Variants in INPP5A observed in about 807,000 individuals in gnomAD.
INPP5A encodes the protein 43 kDa inositol polyphosphate 5-phophatase.
A neutral mutation model predicts 65.2 loss-of-function variants in INPP5A; 14 were observed. That is an observed-to-expected ratio of 0.21 (90% CI 0.14 to 0.34). The LOEUF (loss-of-function observed/expected upper bound fraction) is 0.34. Among genes scored for constraint, INPP5A ranks in the 10% least tolerant of loss-of-function variants. The pLI is 1.00. For synonymous variants in INPP5A, 207 were observed against 208.3 expected (o/e 0.99, Z 0.05); for missense variants, 431 against 545.6 (o/e 0.79, Z 2.09).
intron 4 of INPP5A, among the ~76,000 whole-genome samples, chr10:132,688,608 AGT>A (rs576709674): frequency 4.7e-5 from 7 of 149,844 alleles, no homozygotes; most frequent in South Asian, 2.1e-4. Flanking sequence ...CGTGTGTGCA[AGT>A]GTGTGAGTGT....
intron 4 of INPP5A, among the ~76,000 whole-genome samples, chr10:132,672,614 C>T (rs2072906381): frequency 6.6e-6 from 1 of 152,188 alleles, no homozygotes; most frequent in African/African-American, 2.4e-5. Context: ...AACTGTAAGT[C>T]CATATTAAAC....
chr10:132,607,807 C>T lies in INPP5A; in HGVS notation c.76-108C>T, dbSNP rs541528204. 6 of 1,123,938 alleles carry T rather than the reference C, an allele frequency of 5.3e-6. No individual in the cohort carries two copies. In the South Asian group the frequency reaches 6.3e-5, roughly 12 times the overall value. 69.6% of individuals were successfully genotyped at this position (1,123,938 alleles called of 1,614,324 possible). A position where few individuals can be genotyped will look rare whatever the true frequency, so the allele number is the denominator to read the frequency against. ...CTCCTCCATGCGGGGTGGGCCCGGG[C>T]TGCGCCTCTGCTCCTGCCCCACGTT... On this transcript the variant is annotated intron_variant, in intron 1 of 15. Transcript: ENST00000368594.
intron 6 of INPP5A, among the ~76,000 whole-genome samples, chr10:132,700,156 T>A (rs1845413979): frequency 6.6e-6 from 1 of 152,238 alleles, no homozygotes; most frequent in Admixed American, 6.5e-5. Context: ...TTGTGCAGTG[T>A]TGTGTCCACA....
rs1040337914 is a variant in INPP5A, at chr10:132,753,357, G to A, written c.903+3512G>A. Among the ~76,000 whole-genome samples the A allele has an allele frequency of 2.6e-5, 4 of 152,182 alleles. No homozygotes were observed. The highest frequency in any genetic ancestry group is 4.4e-5 in the Non-Finnish European group (3 of 68,034). On this transcript the variant is annotated intron_variant, in intron 11 of 15. Transcript: ENST00000368594. This position sits in a 1 kb window ranked among gnomAD's most constrained non-coding sequence, Gnocchi z 5.3. ...CCGTCCGCAGGATGGATGTGCCTGC[G>A]CCGGTCGCAGCCCCAAGTCCATTGC...
At chr10:132,722,755 C>G (rs769253092) in intron 8 of INPP5A, among the ~76,000 whole-genome samples, 5 of 152,222 alleles carry the variant, frequency 3.3e-5, no homozygotes, top group African/African-American at 4.8e-5. Flanking sequence ...CTTGTCAAAA[C>G]AGAGAGAGAC....
intron 4 of INPP5A, among the ~76,000 whole-genome samples, chr10:132,688,742 G>A (rs1474082773): frequency 6.6e-6 from 1 of 151,976 alleles, no homozygotes; most frequent in Non-Finnish European, 1.5e-5. Flanking sequence ...ATGTGTGCAA[G>A]TGTGTGAGCA....
chr10:132,674,645 C>A lies in INPP5A; in HGVS notation c.307-15747C>A, dbSNP rs774430905. ...TGTGCCTTCAGGACTTAATCAAGCC[C>A]AATCACATACATGCCACTTCCATTT... is the stretch of plus-strand genomic sequence containing the variant. On this transcript the variant is annotated intron_variant, in intron 4 of 15. Transcript: ENST00000368594. This position sits in a 1 kb window ranked among gnomAD's most constrained non-coding sequence, Gnocchi z 4.4. Among the ~76,000 whole-genome samples, 1 of 152,178 alleles carries A rather than the reference C, an allele frequency of 6.6e-6. No homozygotes were observed. The highest frequency in any genetic ancestry group is 6.5e-5 in the Admixed American group (1 of 15,274).
At chr10:132,713,387 T>G (rs962466133) in intron 8 of INPP5A, among the ~76,000 whole-genome samples, 1 of 152,048 alleles carries the variant, frequency 6.6e-6, no homozygotes, top group Non-Finnish European at 1.5e-5. Flanking sequence ...GCTGGCTCCG[T>G]CTGCTGCTGT....
At chr10:132,729,632 C>T (rs1037177825) in intron 9 of INPP5A, among the ~76,000 whole-genome samples, 1 of 152,224 alleles carries the variant, frequency 6.6e-6, no homozygotes, top group Non-Finnish European at 1.5e-5. Flanking sequence ...TCGTGTTAGG[C>T]TGTCGCTAAA....
chr10:132,691,997 TC>T (rs1319434226), intron 5 of INPP5A, among the ~76,000 whole-genome samples: 1 of 152,134 alleles, frequency 6.6e-6, no homozygotes, highest in Non-Finnish European at 1.5e-5. Flanking sequence ...CTGACGATAT[TC>T]TCAGTGCCCC....
intron 2 of INPP5A, among the ~76,000 whole-genome samples, chr10:132,642,310 C>T (rs773093423): frequency 3.0e-4 from 46 of 152,190 alleles, no homozygotes; most frequent in Non-Finnish European, 6.2e-4. Context: ...GGGCTGGGGA[C>T]GACATCTGAG....
chr10:132,598,982 CT>C (rs1695414943), intron 1 of INPP5A, among the ~76,000 whole-genome samples: 1 of 152,306 alleles, frequency 6.6e-6, no homozygotes, highest in South Asian at 2.1e-4. Flanking sequence ...TTACCTCCCC[CT>C]GGGTTCTTCC....
In INPP5A at chr10:132,623,774, T is replaced by C. The variant is rs115680124; in HGVS notation, c.117+15818T>C. Among the ~76,000 whole-genome samples the C allele has an allele frequency of 8.1e-3, 1,234 of 152,254 alleles. 14 individuals carry two copies. Among genetic ancestry groups the C allele is most frequent in the African/African-American group, 0.028 (1,183 of 41,532 alleles). On this transcript the variant is annotated intron_variant, in intron 2 of 15. Coordinates refer to ENST00000368594, the MANE Select transcript of INPP5A (RefSeq NM_005539.5). ...TTTGATGAAGGACTTGTATCTAGAA[T>C]ATACAAAGAACTCTGAAAAGCCAAT...
In INPP5A at chr10:132,644,278, A is replaced by T. The variant is rs1363410725; in HGVS notation, c.118-1590A>T. 1.3e-5 allele frequency among the ~76,000 whole-genome samples: 2 copies of T among 152,190 alleles called. No individual in the cohort carries two copies. The highest frequency in any genetic ancestry group is 2.9e-5 in the Non-Finnish European group (2 of 68,024). ...TGCATCCACGCAGAGGCGGCTGCGA[A>T]CTCAGGCACGGCCGCCCTTGTCTCC... On this transcript the variant is annotated intron_variant, in intron 2 of 15. Coordinates refer to ENST00000368594, the MANE Select transcript of INPP5A (RefSeq NM_005539.5). The surrounding 1 kb of genome is among the most constrained non-coding windows in gnomAD (Gnocchi z 6.5).
intron 1 of INPP5A, among the ~76,000 whole-genome samples, chr10:132,558,411 A>G (rs2071157224): frequency 1.3e-5 from 2 of 152,190 alleles, no homozygotes; most frequent in South Asian, 4.1e-4. Flanking sequence ...AGGCCCTGAC[A>G]GCTGCATGGT....
At chr10:132,709,155 C>A (rs970092655) in intron 7 of INPP5A, among the ~76,000 whole-genome samples, 3 of 150,942 alleles carry the variant, frequency 2.0e-5, no homozygotes, top group African/African-American at 7.3e-5. Context: ...TCCGAGCTCA[C>A]TGGGGCTGTG....
intron 12 of INPP5A, among the ~76,000 whole-genome samples, chr10:132,767,874 G>A (rs1357998721): frequency 3.4e-5 from 5 of 147,466 alleles, no homozygotes; most frequent in Non-Finnish European, 5.9e-5. Flanking sequence ...GGGTGCCCAC[G>A]CACCCAATGG....
chr10:132,765,926 T>C lies in INPP5A; in HGVS notation c.977+80T>C, dbSNP rs1312552446. The C allele has an allele frequency of 1.1e-5, 9 of 821,670 alleles. No individual in the cohort carries two copies. In the East Asian group the frequency reaches 1.9e-4, roughly 18 times the overall value. The allele number at this position is 821,670 out of a possible 1,614,324, so 50.9% of individuals were successfully genotyped here. A position where few individuals can be genotyped will look rare whatever the true frequency, so the allele number is the denominator to read the frequency against. ...CCTCCCAGTCTCTGGTGCATCTGCGTGTCTGTGTGTGCCAGTTTGTGCTGG... is the reference window on the plus strand; with the variant it reads ...CCTCCCAGTCTCTGGTGCATCTGCGCGTCTGTGTGTGCCAGTTTGTGCTGG... On this transcript the variant is annotated intron_variant, in intron 12 of 15. Transcript: ENST00000368594.
At chr10:132,731,016 A>G (rs371596963) in intron 9 of INPP5A, among the ~76,000 whole-genome samples, 3 of 152,222 alleles carry the variant, frequency 2.0e-5, no homozygotes, top group African/African-American at 7.2e-5. Context: ...CTTGCTGTCC[A>G]GCCAGCTTGG....
Sources: allele counts gnomAD v4.1 joint callset (sites outside exome capture counted in the v4.1 genomes callset), GRCh38; gene constraint gnomAD v4.1.1; non-coding constraint Gnocchi (gnomAD v3.1); transcripts MANE v1.5; gene names NCBI Gene and HGNC (gene_info 2026-07-23, HGNC 2026-07-21).